The following DENND4C variants were observed in gnomAD, a reference collection of about 807,000 sequenced individuals.
DENND4C encodes the protein DENN domain-containing protein 4C.
A neutral mutation model predicts 203.0 loss-of-function variants in DENND4C; 108 were observed. The ratio of observed to expected loss-of-function variants is 0.53; its 90% confidence interval spans 0.46 to 0.62. DENND4C has a LOEUF of 0.62. Among genes scored for constraint, DENND4C ranks in the 20% least tolerant of loss-of-function variants. The pLI is 0.00. For synonymous variants in DENND4C, 871 were observed against 792.4 expected, an observed-to-expected ratio of 1.10 and a Z score of -1.67; for missense variants, 2,481 against 2,301.2, an observed-to-expected ratio of 1.08 and a Z score of -1.60.
intron 5 of DENND4C, among the ~76,000 whole-genome samples, chr9:19,292,794 C>T (rs1002372814): frequency 6.6e-6 from 1 of 152,072 alleles, no homozygotes; most frequent in African/African-American, 2.4e-5. Flanking sequence ...GATCCACCTG[C>T]CTCAGCCTCC....
chr9:19,367,957 AAGT>A (rs1828027525), intron 30 of DENND4C, among the ~76,000 whole-genome samples: 1 of 152,214 alleles, frequency 6.6e-6, no homozygotes, highest in African/African-American at 2.4e-5. Context: ...TAGAGACAGA[AAGT>A]AGATTAGTGG....
chr9:19,321,039 G>A (rs182757582), intron 12 of DENND4C, among the ~76,000 whole-genome samples: 156 of 152,340 alleles, frequency 1.0e-3, no homozygotes, highest in South Asian at 2.1e-3. Context: ...GATCTTTTAG[G>A]ATTAGTGCTG....
intron 10 of DENND4C, among the ~76,000 whole-genome samples, chr9:19,307,411 AAAG>A (rs1183267828): frequency 3.3e-5 from 5 of 151,320 alleles, no homozygotes; most frequent in South Asian, 4.2e-4. Flanking sequence ...AAAAAAAAAA[AAAG>A]AAGAAATACC....
chr9:19,347,162 T>A, intron 23 of DENND4C, 76 bp downstream of exon 23: 1 of 1,378,844 alleles, frequency 7.3e-7, no homozygotes. Flanking sequence ...TATGTATTCT[T>A]GTTCAGAGAT....
chr9:19,367,564 C>T (rs942396508), intron 30 of DENND4C, among the ~76,000 whole-genome samples: 3 of 152,172 alleles, frequency 2.0e-5, no homozygotes, highest in African/African-American at 2.4e-5. Context: ...GGGGAAACCC[C>T]GTCTCTACTA....
At chr9:19,361,449 G>T (rs1387793050) in intron 29 of DENND4C, among the ~76,000 whole-genome samples, 3 of 152,190 alleles carry the variant, frequency 2.0e-5, no homozygotes, top group African/African-American at 7.2e-5. Flanking sequence ...TAGACACTCA[G>T]GCCCTAAACA....
intron 12 of DENND4C, among the ~76,000 whole-genome samples, chr9:19,323,186 G>C (rs1843169125): frequency 6.6e-6 from 1 of 152,160 alleles, no homozygotes; most frequent in African/African-American, 2.4e-5. Flanking sequence ...TGTAATCCCA[G>C]AACTTTGGGA....
chr9:19,334,502 T>C (rs1308178033), intron 17 of DENND4C, among the ~76,000 whole-genome samples: 2 of 151,504 alleles, frequency 1.3e-5, no homozygotes, highest in East Asian at 3.9e-4. Flanking sequence ...CATTAATGAA[T>C]AGGTTTGTTT....
At chr9:19,332,254 T>C (rs1041666534) in intron 17 of DENND4C, 70 bp downstream of exon 17, 15 of 1,389,970 alleles carry the variant, frequency 1.1e-5, no homozygotes, top group Non-Finnish European at 1.5e-5. Context: ...AATTTGGGTG[T>C]AAGTTGCTTT....
intron 29 of DENND4C, 54 bp from the exon 30 acceptor site, chr9:19,361,792 C>A: frequency 1.9e-6 from 2 of 1,063,754 alleles, no homozygotes; most frequent in Non-Finnish European, 2.9e-6. Flanking sequence ...TTCACTAGAT[C>A]TACTGGTAAT....
At chr9:19,315,973 C>T (rs1384122333) in intron 10 of DENND4C, among the ~76,000 whole-genome samples, 1 of 151,932 alleles carries the variant, frequency 6.6e-6, no homozygotes, top group African/African-American at 2.4e-5. Context: ...TGAATAATGG[C>T]GTTATGATTA....
chr9:19,242,088 C>T (rs1823895757), intron 1 of DENND4C, among the ~76,000 whole-genome samples: 1 of 152,250 alleles, frequency 6.6e-6, no homozygotes, highest in African/African-American at 2.4e-5. Flanking sequence ...CCCTTTCTGC[C>T]TTTCCCCAAG....
At chr9:19,321,056 G>T (rs796184831) in intron 12 of DENND4C, among the ~76,000 whole-genome samples, 15 of 152,296 alleles carry the variant, frequency 9.8e-5, no homozygotes, top group African/African-American at 3.4e-4. Context: ...GCTGGTTTCA[G>T]TTTTTATCCT....
At chr9:19,357,864 A>G in intron 27 of DENND4C, 101 bp from the exon 28 acceptor site, 4 of 938,110 alleles carry the variant, frequency 4.3e-6, no homozygotes, top group South Asian at 2.0e-5. Context: ...TCTTAGATAT[A>G]TTTAGTAGAC....
intron 23 of DENND4C, among the ~76,000 whole-genome samples, chr9:19,348,701 AT>A (rs1452553346): frequency 6.6e-6 from 1 of 152,162 alleles, no homozygotes; most frequent in African/African-American, 2.4e-5. Context: ...TAAATTAACT[AT>A]TTTGTATTTA....
intron 24 of DENND4C, 131 bp from the exon 25 acceptor site, chr9:19,351,942 A>C (rs1046236530): frequency 1.5e-6 from 1 of 648,758 alleles, no homozygotes; most frequent in African/African-American, 1.8e-5. Context: ...GTATGCATAC[A>C]TTTTTATACT....
intron 1 of DENND4C, 46 bp from the exon 2 acceptor site, chr9:19,276,112 G>T: frequency 9.8e-7 from 1 of 1,023,990 alleles, no homozygotes; most frequent in Non-Finnish European, 1.3e-6. Context: ...TTTTTGTCAG[G>T]ATAAAGTATT....
At chr9:19,368,342 T>A (rs1435904251) in intron 30 of DENND4C, among the ~76,000 whole-genome samples, 1 of 149,870 alleles carries the variant, frequency 6.7e-6, no homozygotes, top group Non-Finnish European at 1.5e-5. Flanking sequence ...CAATACAATA[T>A]AATTAAATGT....
At chr9:19,334,203 G>T (rs1030790223) in intron 17 of DENND4C, among the ~76,000 whole-genome samples, 1 of 151,980 alleles carries the variant, frequency 6.6e-6, no homozygotes, top group Non-Finnish European at 1.5e-5. Flanking sequence ...GTGCCACCAC[G>T]CCTGGCTAAT....
Sources: gnomAD v4.1 joint callset for allele counts (sites outside exome capture counted in the v4.1 genomes callset) on GRCh38, gnomAD v4.1.1 for gene constraint, MANE v1.5 for transcripts, NCBI Gene and HGNC (gene_info 2026-07-23, HGNC 2026-07-21) for gene names.